Variants in KIF21A observed in about 807,000 individuals in gnomAD.
KIF21A encodes the protein kinesin-like protein KIF21A.
KIF21A carries 114 observed loss-of-function variants against 202.9 expected under a neutral mutation model. The ratio of observed to expected loss-of-function variants is 0.56; its 90% CI spans 0.48 to 0.66. The LOEUF (loss-of-function observed/expected upper bound fraction) is 0.66, where lower values mean the gene tolerates loss of function less well. Among genes scored for constraint, KIF21A ranks in the 30% least tolerant of loss-of-function variants. The pLI, the probability that KIF21A is intolerant of heterozygous loss-of-function variation, is 0.00. For missense variants in KIF21A, 1,677 were observed against 1,994.9 expected (o/e 0.84, Z 3.04); for synonymous variants, 667 against 670.8 (o/e 0.99, Z 0.09).
chr12:39,353,737 C>T (rs1948571224), intron 10 of KIF21A, among the ~76,000 whole-genome samples: 1 of 152,030 alleles, frequency 6.6e-6, no homozygotes, highest in Non-Finnish European at 1.5e-5. Context: ...TTGGTAGGGG[C>T]ATATCCAATG....
chr12:39,305,327 C>T (rs1053718440), intron 34 of KIF21A, among the ~76,000 whole-genome samples: 4 of 148,430 alleles, frequency 2.7e-5, no homozygotes, highest in Non-Finnish European at 5.9e-5. Flanking sequence ...GATTGAGCCA[C>T]TGCACTCCGG....
intron 24 of KIF21A, among the ~76,000 whole-genome samples, chr12:39,327,571 T>C (rs554782438): frequency 6.6e-5 from 10 of 152,216 alleles, no homozygotes; most frequent in Non-Finnish European, 1.2e-4. Context: ...CACAGTGTGA[T>C]GAAATTAAAT....
At chr12:39,339,628 A>T (rs1467916345) in intron 16 of KIF21A, among the ~76,000 whole-genome samples, 1 of 152,226 alleles carries the variant, frequency 6.6e-6, no homozygotes, top group East Asian at 1.9e-4. Context: ...GATGTAAAGA[A>T]TAATTAATCA....
rs1462028525 is a variant in KIF21A, at chr12:39,318,153, T to C, written c.3828A>G (p.Pro1276=). Residue 1276 remains proline (P), a synonymous_variant, in exon 29 of 38, where the codon CCA becomes CCG. Coordinates refer to ENST00000361418, the MANE Select transcript of KIF21A (RefSeq NM_001173464.2). ...SEASLSPPSS[P]PSRPRNELNV... The stretch of plus-strand genomic sequence containing the variant: ...TCAGTTCATTACGGGGCCGGCTTGG[T>C]GGGGAAGAAGGAGGTGAAAGACTAG... 1 of 1,613,706 alleles carries C rather than the reference T, an allele frequency of 6.2e-7. No individual in the cohort carries two copies. The highest frequency in any genetic ancestry group is 2.2e-5 in the East Asian group (1 of 44,844).
chr12:39,370,366 T>C (rs1192192852), intron 1 of KIF21A, 105 bp from the exon 2 acceptor site: 4 of 761,058 alleles, frequency 5.3e-6, no homozygotes, highest in Middle Eastern at 3.2e-4. Context: ...TTAAAACTCA[T>C]GTAATTACCT....
chr12:39,416,765 A>ATATATATATGTACATATATGTGTG (rs1953743516), intron 1 of KIF21A, among the ~76,000 whole-genome samples: 1 of 75,650 alleles, frequency 1.3e-5, no homozygotes, highest in Non-Finnish European at 2.4e-5. Flanking sequence ...ATATATGTGT[A>ATATATATATGTACATATATGTGTG]TATATATATG....
intron 1 of KIF21A, among the ~76,000 whole-genome samples, chr12:39,429,150 T>C (rs1296724880): frequency 6.6e-6 from 1 of 152,156 alleles, no homozygotes; most frequent in Non-Finnish European, 1.5e-5. Context: ...AGGATTAATA[T>C]GCCAAAGAGC....
At chr12:39,430,603 A>AT (rs938349241) in intron 1 of KIF21A, among the ~76,000 whole-genome samples, 2 of 151,742 alleles carry the variant, frequency 1.3e-5, no homozygotes, top group African/African-American at 2.4e-5. Context: ...ATATCAATTT[A>AT]TTTTTTTGTG....
At chr12:39,301,016 G>A (rs979536610) in intron 37 of KIF21A, among the ~76,000 whole-genome samples, 2 of 152,130 alleles carry the variant, frequency 1.3e-5, no homozygotes, top group African/African-American at 2.4e-5. Flanking sequence ...GATTCATTGT[G>A]AATGAACAAA....
At chr12:39,322,595 G>T in intron 27 of KIF21A, 73 bp downstream of exon 27, 3 of 1,103,630 alleles carry the variant, frequency 2.7e-6, no homozygotes, top group Admixed American at 3.9e-5. Context: ...ATAGAAATAA[G>T]AAATTAGCAA....
At chr12:39,402,832 T>C (rs778418210) in intron 1 of KIF21A, among the ~76,000 whole-genome samples, 39 of 152,292 alleles carry the variant, frequency 2.6e-4, no homozygotes, top group Non-Finnish European at 4.3e-4. Flanking sequence ...TCTTCCAATG[T>C]GACCCAGGGA....
At chr12:39,354,536 GATT>G (rs1286345598) in intron 10 of KIF21A, among the ~76,000 whole-genome samples, 2 of 151,872 alleles carry the variant, frequency 1.3e-5, no homozygotes, top group Admixed American at 6.6e-5. Context: ...ATTAATTAGT[GATT>G]ATTATTATCT....
At chr12:39,408,180 G>C (rs1952762883) in intron 1 of KIF21A, among the ~76,000 whole-genome samples, 1 of 152,112 alleles carries the variant, frequency 6.6e-6, no homozygotes, top group Non-Finnish European at 1.5e-5. Flanking sequence ...AGTTTTTCCA[G>C]GGATGGTCGG....
intron 24 of KIF21A, among the ~76,000 whole-genome samples, chr12:39,329,178 CG>C (rs1167537204): frequency 7.9e-5 from 12 of 152,240 alleles, no homozygotes; most frequent in African/African-American, 2.6e-4. Context: ...TAGCTCCTTT[CG>C]TCTAGAGAGA....
chr12:39,389,956 C>A (rs1951225361), intron 1 of KIF21A, among the ~76,000 whole-genome samples: 1 of 152,160 alleles, frequency 6.6e-6, no homozygotes, highest in Non-Finnish European at 1.5e-5. Flanking sequence ...ACATCTTCCT[C>A]TTCTTCCCAC....
At position 39,443,080 on chromosome 12, in the gene KIF21A, G is replaced by C. The variant is rs1592784204; in HGVS notation, c.-110C>G. ...AGGCTGGGGCGTCTGCGGGCGGGCG[G>C]CCGGCTCACCTCCGCCGCGCTCCAG... On this transcript the variant is annotated 5_prime_UTR_variant, in exon 1 of 38. Coordinates refer to ENST00000361418, the MANE Select transcript of KIF21A (RefSeq NM_001173464.2). 3.5e-6 allele frequency: 4 copies of C among 1,150,448 alleles called. No individual in the cohort carries two copies. Among genetic ancestry groups the C allele is most frequent in the African/African-American group, 1.6e-5 (1 of 60,934 alleles). 71.3% of individuals were successfully genotyped at this position (1,150,448 alleles called of 1,614,324 possible). A position where few individuals can be genotyped will look rare whatever the true frequency, so the allele number is the denominator to read the frequency against.
intron 1 of KIF21A, among the ~76,000 whole-genome samples, chr12:39,381,384 G>A (rs955579610): frequency 6.6e-6 from 1 of 150,620 alleles, no homozygotes; most frequent in Non-Finnish European, 1.5e-5. Context: ...ATACATCCTT[G>A]ATCCCAGAGG....
At chr12:39,426,991 T>C (rs1323689268) in intron 1 of KIF21A, among the ~76,000 whole-genome samples, 1 of 152,108 alleles carries the variant, frequency 6.6e-6, no homozygotes, top group Non-Finnish European at 1.5e-5. Context: ...AGCTTACACA[T>C]AATGTGTTCA....
rs117057682 is a variant in KIF21A, at chr12:39,313,405, G to A, written c.3959+1824C>T. Among the ~76,000 whole-genome samples the A allele has an allele frequency of 1.6e-3, 238 of 151,970 alleles. 1 individual carries two copies. The highest frequency in any genetic ancestry group is 6.8e-3 in the Middle Eastern group (2 of 294). ...TTTCATGGGGAAAGTTTTTTGTAGG[G>A]TTAATGGATACCAATTTAAGGGAAT... On this transcript the variant is annotated intron_variant, in intron 31 of 37. Transcript: ENST00000361418.
Sources: allele counts gnomAD v4.1 joint callset (sites outside exome capture counted in the v4.1 genomes callset), GRCh38; gene constraint gnomAD v4.1.1; transcripts MANE v1.5; gene names NCBI Gene and HGNC (gene_info 2026-07-23, HGNC 2026-07-21).